Variants in PROX1 observed in about 807,000 individuals in gnomAD.
The protein encoded by PROX1 is prospero homeobox 1.
In PROX1, 7 loss-of-function variants were observed where a neutral mutation model predicts 58.8. That is an observed-to-expected ratio of 0.12 (90% CI 0.07 to 0.22). PROX1 has a LOEUF of 0.22. Ranked by LOEUF, PROX1 falls within the 10% of genes least tolerant of loss-of-function variation. The pLI is 1.00. For missense variants in PROX1, 675 were observed against 927.8 expected (o/e 0.73, Z 3.54); for synonymous variants, 350 against 358.3 (o/e 0.98, Z 0.26).
chr1:213,985,194 T>G (rs1662794795), upstream of PROX1: 1 of 152,232 alleles, frequency 6.6e-6, no homozygotes, highest in East Asian at 1.9e-4. Context: ...ACCCTAGGCT[T>G]GGCGGCTGGT....
intron 4 of PROX1, among the ~76,000 whole-genome samples, chr1:214,017,541 A>T (rs1664135272): frequency 6.6e-6 from 1 of 151,868 alleles, no homozygotes; most frequent in Admixed American, 6.6e-5. Context: ...TTCTGACTGT[A>T]ACCTACCCTG....
intron 4 of PROX1, among the ~76,000 whole-genome samples, chr1:214,024,147 A>G (rs1337091078): frequency 6.6e-6 from 1 of 152,192 alleles, no homozygotes; most frequent in Non-Finnish European, 1.5e-5. Context: ...GTAGGAGTCT[A>G]GTGGACTTCC....
At chr1:214,034,983 C>A (rs1420856978) in intron 4 of PROX1, among the ~76,000 whole-genome samples, 1 of 152,250 alleles carries the variant, frequency 6.6e-6, no homozygotes, top group Non-Finnish European at 1.5e-5. Context: ...AAATCACTCT[C>A]TTATGGAGCA....
intron 4 of PROX1, among the ~76,000 whole-genome samples, chr1:214,022,015 C>A (rs1339994373): frequency 2.0e-5 from 3 of 152,170 alleles, no homozygotes; most frequent in Non-Finnish European, 2.9e-5. Context: ...CTCAGGCAGG[C>A]AATGAAATGT....
At chr1:214,024,526 T>A (rs1427081383) in intron 4 of PROX1, among the ~76,000 whole-genome samples, 4 of 152,154 alleles carry the variant, frequency 2.6e-5, no homozygotes, top group African/African-American at 4.8e-5. Flanking sequence ...ACCATCTGTA[T>A]CACAAGCGCT....
chr1:214,010,031 T>C (rs528840108), intron 3 of PROX1, among the ~76,000 whole-genome samples: 1 of 152,308 alleles, frequency 6.6e-6, no homozygotes, highest in South Asian at 2.1e-4. Flanking sequence ...TTAAGTTCTA[T>C]TGAAATCGGC....
At chr1:214,032,374 C>T (rs1164313495) in intron 4 of PROX1, among the ~76,000 whole-genome samples, 1 of 151,984 alleles carries the variant, frequency 6.6e-6, no homozygotes, top group Non-Finnish European at 1.5e-5. Flanking sequence ...TTCTACCTTA[C>T]TTTACCATTA....
At position 213,997,707 on chromosome 1, in the gene PROX1, C is replaced by A; in HGVS notation, c.1172C>A (p.Ala391Asp). ...QVFPPLQIPQ[A>D]RFAVNGENHN... Reference sequence around the variant, plus strand: ...TTCCCACCTCTCCAGATCCCCCAGGCCAGATTTGCAGTCAATGGGGAAAAC... The same window carrying A: ...TTCCCACCTCTCCAGATCCCCCAGGACAGATTTGCAGTCAATGGGGAAAAC... Residue 391 changes from alanine (A) to aspartate (D), a missense_variant, in exon 2 of 5, where the codon GCC (alanine) becomes GAC (aspartate). By Grantham distance (126) the Ala-to-Asp change is moderately radical. Coordinates refer to ENST00000366958, the MANE Select transcript of PROX1 (RefSeq NM_001270616.2). The surrounding 1 kb of genome is among the most constrained non-coding windows in gnomAD (Gnocchi z 7.1). The A allele has an allele frequency of 6.2e-7, 1 of 1,614,044 alleles. No homozygotes were observed.
At chr1:214,023,709 T>A (rs927645031) in intron 4 of PROX1, among the ~76,000 whole-genome samples, 3 of 152,230 alleles carry the variant, frequency 2.0e-5, no homozygotes, top group Non-Finnish European at 4.4e-5. Context: ...TGAGTCCTCA[T>A]ACAAGCCATT....
chr1:214,015,498 T>C (rs890723650), intron 4 of PROX1, among the ~76,000 whole-genome samples: 3 of 152,054 alleles, frequency 2.0e-5, no homozygotes, highest in African/African-American at 4.8e-5. Flanking sequence ...CTTGTGACTT[T>C]AGGGGCGTAT....
At position 213,988,009 on chromosome 1, in the gene PROX1, GC is replaced by G. The variant is rs1469219013; in HGVS notation, c.-540del. The G allele has an allele frequency of 6.6e-6, 1 of 151,572 alleles. No homozygotes were observed. The highest frequency in any genetic ancestry group is 2.4e-5 in the African/African-American group (1 of 41,256). 9.4% of individuals were successfully genotyped at this position (151,572 alleles called of 1,614,324 possible). ...CGCTCTGAAATAATACACCATTGCA[GC>G]CGGGGAAAGCAGAGCGGCGCAAAAG... On this transcript the variant is annotated 5_prime_UTR_variant, in exon 1 of 5. Coordinates refer to ENST00000366958, the MANE Select transcript of PROX1 (RefSeq NM_001270616.2).
chr1:214,006,316 C>G (rs76852552), intron 3 of PROX1, among the ~76,000 whole-genome samples: 4,018 of 152,264 alleles, frequency 0.026, 193 homozygotes, highest in African/African-American at 0.088. Context: ...TGCAGGCCAA[C>G]TCATTTCAGT....
chr1:214,018,292 C>A (rs1054077356), intron 4 of PROX1, among the ~76,000 whole-genome samples: 1 of 152,178 alleles, frequency 6.6e-6, no homozygotes. Flanking sequence ...TTAAATACAT[C>A]AATATTAATT....
chr1:213,984,098 A>G (rs1359262771), upstream of PROX1: 1 of 152,224 alleles, frequency 6.6e-6, no homozygotes, highest in East Asian at 1.9e-4. Flanking sequence ...CCTACACTTC[A>G]CTACTCCAGG....
intron 3 of PROX1, among the ~76,000 whole-genome samples, chr1:214,005,760 T>G (rs1024553299): frequency 8.5e-5 from 13 of 152,224 alleles, no homozygotes; most frequent in African/African-American, 3.1e-4. Context: ...AAGTGATGAT[T>G]GTCTCTTATT....
intron 3 of PROX1, among the ~76,000 whole-genome samples, chr1:214,010,818 C>T (rs1413953559): frequency 6.6e-6 from 1 of 152,160 alleles, no homozygotes; most frequent in Non-Finnish European, 1.5e-5. Context: ...AACCATGCCT[C>T]CCAAATGGCA....
intron 2 of PROX1, among the ~76,000 whole-genome samples, chr1:214,001,038 G>A (rs567249636): frequency 3.1e-4 from 47 of 152,158 alleles, no homozygotes; most frequent in African/African-American, 5.8e-4. Flanking sequence ...TTAATTTTTC[G>A]TTCATGGCTT....
chr1:214,002,199 GC>G (rs1353448304), intron 2 of PROX1, among the ~76,000 whole-genome samples: 1 of 152,014 alleles, frequency 6.6e-6, no homozygotes, highest in East Asian at 1.9e-4. Context: ...TCTCCCATTT[GC>G]CTTTTTGCTG....
intron 2 of PROX1, among the ~76,000 whole-genome samples, chr1:214,001,153 A>G (rs910944940): frequency 2.6e-5 from 4 of 152,192 alleles, no homozygotes; most frequent in African/African-American, 9.7e-5. Flanking sequence ...AACTATTAAG[A>G]ACACCAGCTT....
Sources: gnomAD v4.1 joint callset for allele counts (sites outside exome capture counted in the v4.1 genomes callset) on GRCh38, gnomAD v4.1.1 for gene constraint, Gnocchi (gnomAD v3.1) non-coding constraint, MANE v1.5 for transcripts, NCBI Gene and HGNC (gene_info 2026-07-23, HGNC 2026-07-21) for gene names.